The following MYH14 variants were observed in gnomAD, a reference collection of about 807,000 sequenced individuals.
MYH14 encodes the protein myosin heavy chain 14.
A neutral mutation model predicts 255.5 loss-of-function variants in MYH14; 123 were observed. The observed-to-expected ratio is 0.48, with a 90% confidence interval of 0.42 to 0.56. The LOEUF (loss-of-function observed/expected upper bound fraction) is 0.56. MYH14 is among the 20% of genes least tolerant of loss of function. The probability of loss-of-function intolerance (pLI) is 0.00; values close to 1 mark genes in which losing one functional copy is unlikely to be tolerated. For synonymous variants in MYH14, 1,095 were observed against 1,161.2 expected, an observed-to-expected ratio of 0.94 and a Z score of 1.16; for missense variants, 2,423 against 2,802.3, an observed-to-expected ratio of 0.86 and a Z score of 3.06.
Position 50,310,171 on chromosome 19 carries a change from TTCTCTCTC to T in MYH14, c.*396_*403del, listed in dbSNP as rs376379600. The T allele has an allele frequency of 8.3e-6, 2 of 240,474 alleles. No individual in the cohort carries two copies. Among genetic ancestry groups the T allele is most frequent in the East Asian group, 1.3e-4 (1 of 7,624 alleles). 14.9% of individuals were successfully genotyped at this position (240,474 alleles called of 1,614,324 possible). The stretch of plus-strand genomic sequence containing the variant: ...AGCCAGTGCAACCCATTCCCTCTGC[TTCTCTCTC>T]TCTCTCTCTCTCTCCCTCCCTCTCC... On this transcript the variant is annotated 3_prime_UTR_variant, in exon 43 of 43. Transcript: ENST00000642316.
At chr19:50,302,816 C>T (rs558388008) in intron 40 of MYH14, among the ~76,000 whole-genome samples, 4 of 151,982 alleles carry the variant, frequency 2.6e-5, no homozygotes, top group Non-Finnish European at 2.9e-5. Context: ...GCAGGAGAAT[C>T]GCTTGAACCC....
At position 50,276,243 on chromosome 19, in the gene MYH14, A is replaced by G. The variant is rs708133; in HGVS notation, c.3680+40A>G. Reference sequence around the variant, plus strand: ...CAGGCCGCTGTCACAGCCTGTGCACATACAGGGCTGGGGGAAGGACTTAGG... The same window carrying G: ...CAGGCCGCTGTCACAGCCTGTGCACGTACAGGGCTGGGGGAAGGACTTAGG... On this transcript the variant is annotated intron_variant, in intron 28 of 42. Coordinates refer to ENST00000642316, the MANE Select transcript of MYH14 (RefSeq NM_001145809.2). This position sits in a 1 kb window ranked among gnomAD's most constrained non-coding sequence, Gnocchi z 4.3. The G allele has an allele frequency of 0.46, 661,323 of 1,422,338 alleles. 156,606 individuals are homozygous for G. The highest frequency in any genetic ancestry group is 0.55 in the African/African-American group (38,649 of 70,496). The allele number at this position is 1,422,338 out of a possible 1,614,324, so 88.1% of individuals were successfully genotyped here.
chr19:50,258,857 C>T (rs2034707476), intron 18 of MYH14: 1 of 339,556 alleles, frequency 2.9e-6, no homozygotes, highest in Admixed American at 4.6e-5. Flanking sequence ...CAGCCCCACC[C>T]ACATCCCTCC....
rs1045287658 is a variant in MYH14 at position 50,247,100 on chromosome 19, A to G, written c.1307A>G (p.Gln436Arg). The change falls in exon 12 of 43, where the codon CAG (glutamine) becomes CGG (arginine). Residue 436 changes from glutamine (Q) to arginine (R), a missense_variant. This residue lies in a region of MYH14 where 672 missense variants were observed against 881.8 expected (regional missense o/e 0.76). Transcript: ENST00000642316. ...PRIKVGRDYV[Q>R]KAQTKEQADF... is the part of the protein sequence containing the mutation. ...ATCAAAGTTGGCCGAGACTATGTGC[A>G]GAAAGCCCAGACTAAGGAACAGGTA... 4 of 1,613,278 alleles carry G rather than the reference A, an allele frequency of 2.5e-6. No individual in the cohort carries two copies. Among genetic ancestry groups the G allele is most frequent in the Non-Finnish European group, 3.4e-6 (4 of 1,179,672 alleles).
At chr19:50,298,143 T>C (rs952575041) in intron 39 of MYH14, among the ~76,000 whole-genome samples, 8 of 152,114 alleles carry the variant, frequency 5.3e-5, no homozygotes, top group Non-Finnish European at 1.0e-4. Flanking sequence ...AGAAATGTGA[T>C]TGGACAAAAA....
chr19:50,270,844 G>A (rs2035272932), intron 24 of MYH14, among the ~76,000 whole-genome samples: 1 of 151,688 alleles, frequency 6.6e-6, no homozygotes, highest in African/African-American at 2.4e-5. Flanking sequence ...ACAGGCACCC[G>A]CCACCACGCC....
intron 10 of MYH14, among the ~76,000 whole-genome samples, chr19:50,241,926 T>C (rs553745140): frequency 6.6e-6 from 1 of 152,368 alleles, no homozygotes; most frequent in African/African-American, 2.4e-5. Context: ...ATTACGGGCG[T>C]GAGCCCGTAC....
intron 3 of MYH14, 120 bp downstream of exon 3, chr19:50,217,891 T>G: frequency 8.0e-7 from 1 of 1,250,680 alleles, no homozygotes; most frequent in Non-Finnish European, 1.1e-6. Flanking sequence ...TCTGTAGGGC[T>G]TCTTAGGGGG....
chr19:50,251,222 T>C (rs990329628), intron 15 of MYH14, among the ~76,000 whole-genome samples: 6 of 152,144 alleles, frequency 3.9e-5, no homozygotes, highest in Non-Finnish European at 8.8e-5. Context: ...GCAAACATTT[T>C]CTGTAAAGGG....
rs1435247436 is a variant in MYH14 at position 50,230,222 on chromosome 19, GT to G, written c.875-297del. Among the ~76,000 whole-genome samples, 2 of 152,150 alleles carry G rather than the reference GT, an allele frequency of 1.3e-5. No homozygotes were observed. Among genetic ancestry groups the G allele is most frequent in the African/African-American group, 4.8e-5 (2 of 41,440 alleles). ...GCCACTGCGCCCACAGGGTTGATGAGTTTTTTAGAGACAGAGCAAGACCCTG... is the reference window on the plus strand; with the variant it reads ...GCCACTGCGCCCACAGGGTTGATGAGTTTTTAGAGACAGAGCAAGACCCTG... On this transcript the variant is annotated intron_variant, in intron 8 of 42. Coordinates refer to ENST00000642316, the MANE Select transcript of MYH14 (RefSeq NM_001145809.2). The surrounding 1 kb of genome is among the most constrained non-coding windows in gnomAD (Gnocchi z 4.7).
chr19:50,251,569 C>CACATATATATATATATATAT (rs1491546469), intron 15 of MYH14, among the ~76,000 whole-genome samples: 1 of 121,080 alleles, frequency 8.3e-6, no homozygotes, highest in African/African-American at 3.2e-5. Flanking sequence ...CACACACACA[C>CACATATATATATATATATAT]ATATATATAT....
intron 6 of MYH14, 93 bp downstream of exon 6, chr19:50,224,270 A>T (rs1350305981): frequency 9.7e-6 from 15 of 1,554,066 alleles, no homozygotes; most frequent in African/African-American, 1.4e-5. Context: ...GGCCCAAGGC[A>T]GCAGTGGTCC....
chr19:50,307,775 T>C (rs781280547), intron 41 of MYH14, among the ~76,000 whole-genome samples: 3 of 152,220 alleles, frequency 2.0e-5, no homozygotes, highest in Non-Finnish European at 2.9e-5. Flanking sequence ...TAAGAGGATA[T>C]ATTTTGCATC....
At position 50,271,292 on chromosome 19, in the gene MYH14, C is replaced by T; in HGVS notation, c.3034-117C>T. 12 of 1,036,388 alleles carry T rather than the reference C, an allele frequency of 1.2e-5. No homozygotes were observed. The South Asian group carries it at 1.6e-4, about 14-fold the overall frequency. 64.2% of individuals were successfully genotyped at this position (1,036,388 alleles called of 1,614,324 possible). A position where few individuals can be genotyped will look rare whatever the true frequency, so the allele number is the denominator to read the frequency against. On this transcript the variant is annotated intron_variant, in intron 24 of 42. Coordinates refer to ENST00000642316, the MANE Select transcript of MYH14 (RefSeq NM_001145809.2). ...TTCCCGGCCTCACCCAGGGCATGGA[C>T]ATCTCTGAACCACAAGCCGCGGGGA...
At chr19:50,269,483 A>G (rs550981730) in intron 24 of MYH14, among the ~76,000 whole-genome samples, 1 of 152,194 alleles carries the variant, frequency 6.6e-6, no homozygotes, top group Non-Finnish European at 1.5e-5. Flanking sequence ...TGCCCGGCCC[A>G]GTAGTGTTTT....
In MYH14 at chr19:50,259,203, G is replaced by A. The variant is rs866792953; in HGVS notation, c.2292G>A (p.Glu764=). 1.3e-6 allele frequency: 2 copies of A among 1,583,450 alleles called. No individual in the cohort carries two copies. Among genetic ancestry groups the A allele is most frequent in the Admixed American group, 1.8e-5 (1 of 55,286 alleles). ...AGCTTCGCTGCAACGGGGTCCTGGAGGGCATCCGCATCTGTCGCCAGGGCT... is the reference window on the plus strand; with the variant it reads ...AGCTTCGCTGCAACGGGGTCCTGGAAGGCATCCGCATCTGTCGCCAGGGCT... ...LDQLRCNGVL[E]GIRICRQGFP... Residue 764 remains glutamate (E), a synonymous_variant, in exon 19 of 43, where the codon GAG becomes GAA. Coordinates refer to ENST00000642316, the MANE Select transcript of MYH14 (RefSeq NM_001145809.2).
rs2034435556 is a variant in MYH14, at chr19:50,252,404, A to C, written c.1831-235A>C. Among the ~76,000 whole-genome samples, 1 of 151,980 alleles carries C rather than the reference A, an allele frequency of 6.6e-6. No homozygotes were observed. Among genetic ancestry groups the C allele is most frequent in the Admixed American group, 6.6e-5 (1 of 15,256 alleles). On this transcript the variant is annotated intron_variant, in intron 15 of 42. Coordinates refer to ENST00000642316, the MANE Select transcript of MYH14 (RefSeq NM_001145809.2). This position sits in a 1 kb window ranked among gnomAD's most constrained non-coding sequence, Gnocchi z 4.2. ...TGGCTGGAGCGGAATGAATAGGAAG[A>C]AAGTGGTGGTGGTGGAGGTCACAGA...
chr19:50,204,210 T>A (rs1160560706), intron 1 of MYH14, among the ~76,000 whole-genome samples: 1 of 152,200 alleles, frequency 6.6e-6, no homozygotes, highest in Non-Finnish European at 1.5e-5. Flanking sequence ...GTACCCATTA[T>A]ACAGAGAGGG....
rs1312069021 is a variant in MYH14 at position 50,280,193 on chromosome 19, C to T, written c.4138-38C>T. ...CCGTCACCCTCCCCTCCTTGTCCTC[C>T]CAGCCACACCTGACATTGCCGTCTC... On this transcript the variant is annotated intron_variant, in intron 31 of 42. Transcript: ENST00000642316. This position sits in a 1 kb window ranked among gnomAD's most constrained non-coding sequence, Gnocchi z 4.8. The T allele has an allele frequency of 6.4e-7, 1 of 1,556,932 alleles. No individual in the cohort carries two copies. The highest frequency in any genetic ancestry group is 2.4e-5 in the East Asian group (1 of 41,176).
Sources: gnomAD v4.1 joint callset for allele counts (sites outside exome capture counted in the v4.1 genomes callset) on GRCh38, gnomAD v4.1.1 for gene constraint, gnomAD v4.1.1 regional missense constraint, Gnocchi (gnomAD v3.1) non-coding constraint, MANE v1.5 for transcripts, NCBI Gene and HGNC (gene_info 2026-07-23, HGNC 2026-07-21) for gene names.